CDK14: variants seen among roughly 807,000 people sequenced by gnomAD.
CDK14 encodes the protein cyclin dependent kinase 14, also known as cyclin-dependent kinase 14.
A neutral mutation model predicts 60.7 loss-of-function variants in CDK14; 34 were observed. That is an observed-to-expected ratio of 0.56 (90% CI 0.43 to 0.75). The LOEUF (loss-of-function observed/expected upper bound fraction) is 0.75. Among genes scored for constraint, CDK14 ranks in the 30% least tolerant of loss-of-function variants. The pLI is 0.00. For missense variants in CDK14, 482 were observed against 564.1 expected (o/e 0.85, Z 1.47); for synonymous variants, 197 against 203.7 (o/e 0.97, Z 0.28).
intron 2 of CDK14, among the ~76,000 whole-genome samples, chr7:90,634,809 T>C (rs1165713903): frequency 6.6e-6 from 1 of 152,046 alleles, no homozygotes; most frequent in Non-Finnish European, 1.5e-5. Context: ...TTCCTGACTT[T>C]TTAATGATTG....
intron 2 of CDK14, among the ~76,000 whole-genome samples, chr7:90,656,783 G>T (rs1327983550): frequency 6.6e-6 from 1 of 152,144 alleles, no homozygotes; most frequent in Non-Finnish European, 1.5e-5. Context: ...AGCATCTTGT[G>T]TGACAATAAA....
intron 2 of CDK14, among the ~76,000 whole-genome samples, chr7:90,663,225 A>C (rs940705875): frequency 1.3e-5 from 2 of 151,994 alleles, no homozygotes; most frequent in African/African-American, 4.8e-5. Context: ...ACTTCACTTC[A>C]TGTGTATTGC....
intron 10 of CDK14, among the ~76,000 whole-genome samples, chr7:91,041,886 G>A (rs1797101754): frequency 6.6e-6 from 1 of 152,184 alleles, no homozygotes; most frequent in Admixed American, 6.5e-5. Flanking sequence ...CATTTACTGG[G>A]TGCATATCTG....
intron 11 of CDK14, among the ~76,000 whole-genome samples, chr7:91,060,757 G>T (rs1584276498): frequency 6.6e-6 from 1 of 152,180 alleles, no homozygotes; most frequent in Admixed American, 6.5e-5. Context: ...TAGAGTTTCT[G>T]CCGAGAGATC....
intron 14 of CDK14, among the ~76,000 whole-genome samples, chr7:91,177,468 G>C (rs1220242823): frequency 6.6e-6 from 1 of 151,870 alleles, no homozygotes; most frequent in East Asian, 1.9e-4. Flanking sequence ...AGGGCAATCA[G>C]GCAGGAGAAG....
intron 2 of CDK14, among the ~76,000 whole-genome samples, chr7:90,675,478 G>T (rs1801181773): frequency 6.6e-6 from 1 of 151,952 alleles, no homozygotes; most frequent in Non-Finnish European, 1.5e-5. Flanking sequence ...TAATTGCAAA[G>T]TATCATCAAC....
chr7:90,999,397 G>A (rs1753292103), intron 10 of CDK14, among the ~76,000 whole-genome samples: 1 of 149,760 alleles, frequency 6.7e-6, no homozygotes. Context: ...GACCAGCCTG[G>A]CCAACATGGT....
At chr7:91,141,557 T>G (rs1323379747) in intron 14 of CDK14, among the ~76,000 whole-genome samples, 37 of 152,242 alleles carry the variant, frequency 2.4e-4, no homozygotes, top group Admixed American at 2.0e-3. Context: ...TGGGTCATTG[T>G]TACTGAGCTG....
intron 14 of CDK14, among the ~76,000 whole-genome samples, chr7:91,156,537 A>G (rs1800988908): frequency 6.6e-6 from 1 of 152,140 alleles, no homozygotes; most frequent in South Asian, 2.1e-4. Context: ...GGAAATGAAT[A>G]AAGATGAGTT....
rs765690381 is a variant in CDK14, at chr7:90,734,835, G to A, written c.369+8023G>A. On this transcript the variant is annotated intron_variant, in intron 3 of 14. Transcript: ENST00000380050. The stretch of plus-strand genomic sequence containing the variant: ...TGTCAATTCGTCAAACTCATTCTCC[G>A]TCTGGTTTTGTTCCCCTGCTGGCGA... 4.6e-5 allele frequency among the ~76,000 whole-genome samples: 7 copies of A among 152,040 alleles called. 1 individual carries two copies. In the East Asian group the frequency reaches 5.8e-4, roughly 13 times the overall value.
chr7:91,102,639 A>G (rs1323094846), intron 12 of CDK14, among the ~76,000 whole-genome samples: 1 of 152,054 alleles, frequency 6.6e-6, no homozygotes, highest in African/African-American at 2.4e-5. Flanking sequence ...ACCCTAAATC[A>G]AAACAAACAT....
intron 14 of CDK14, among the ~76,000 whole-genome samples, chr7:91,137,379 C>T (rs1800311347): frequency 6.6e-6 from 1 of 152,150 alleles, no homozygotes; most frequent in Admixed American, 6.6e-5. Context: ...CTGAAATGAA[C>T]CCTACTGTCT....
chr7:90,985,415 A>G (rs1795345695), intron 10 of CDK14, among the ~76,000 whole-genome samples: 1 of 152,146 alleles, frequency 6.6e-6, no homozygotes, highest in African/African-American at 2.4e-5. Flanking sequence ...TGCTTGGCAT[A>G]TAGTAAATAC....
intron 2 of CDK14, among the ~76,000 whole-genome samples, chr7:90,634,686 T>A (rs1447009064): frequency 6.6e-6 from 1 of 151,932 alleles, no homozygotes; most frequent in Non-Finnish European, 1.5e-5. Flanking sequence ...TTTCTAGTTC[T>A]AGATCCCTGA....
At chr7:90,872,633 T>C (rs1439891685) in intron 6 of CDK14, among the ~76,000 whole-genome samples, 8 of 152,176 alleles carry the variant, frequency 5.3e-5, no homozygotes, top group Admixed American at 5.2e-4. Context: ...CTGTCCACTA[T>C]CATGTTGGGT....
intron 5 of CDK14, among the ~76,000 whole-genome samples, chr7:90,816,917 T>A (rs764506707): frequency 5.3e-5 from 8 of 152,142 alleles, no homozygotes; most frequent in Non-Finnish European, 1.0e-4. Context: ...GAGTAGGTAG[T>A]TTGAACTACC....
chr7:90,853,312 G>T (rs1790710470), intron 5 of CDK14, among the ~76,000 whole-genome samples: 1 of 152,082 alleles, frequency 6.6e-6, no homozygotes, highest in African/African-American at 2.4e-5. Context: ...CAAATTTTCA[G>T]AATGAAGAAT....
intron 2 of CDK14, among the ~76,000 whole-genome samples, chr7:90,648,676 A>G (rs1366751689): frequency 6.6e-6 from 1 of 152,174 alleles, no homozygotes; most frequent in Non-Finnish European, 1.5e-5. Flanking sequence ...GAGGATATTT[A>G]AACAGATTTG....
chr7:90,929,206 G>A (rs1036053843), intron 8 of CDK14, among the ~76,000 whole-genome samples: 6 of 152,108 alleles, frequency 3.9e-5, no homozygotes, highest in Non-Finnish European at 5.9e-5. Context: ...CTGCTCCGTG[G>A]GCTGCACCCA....
Sources: gnomAD v4.1 joint callset for allele counts (sites outside exome capture counted in the v4.1 genomes callset) on GRCh38, gnomAD v4.1.1 for gene constraint, MANE v1.5 for transcripts, NCBI Gene and HGNC (gene_info 2026-07-23, HGNC 2026-07-21) for gene names.